RGS22: variants seen among roughly 807,000 people sequenced by gnomAD.
The protein encoded by RGS22 is regulator of G-protein signaling 22.
A neutral mutation model predicts 172.9 loss-of-function variants in RGS22; 148 were observed. That is an observed-to-expected ratio of 0.86 (90% CI 0.75 to 0.98). The LOEUF (loss-of-function observed/expected upper bound fraction) is 0.98, where lower values mean the gene tolerates loss of function less well. Ranked by LOEUF, RGS22 falls within the 50% of genes least tolerant of loss-of-function variation. The pLI is 0.00. For missense variants in RGS22, 1,347 were observed against 1,440.8 expected (o/e 0.93, Z 1.05); for synonymous variants, 458 against 480.2 (o/e 0.95, Z 0.60).
chr8:100,005,370 A>G (rs1348671003), intron 16 of RGS22, among the ~76,000 whole-genome samples: 1 of 152,136 alleles, frequency 6.6e-6, no homozygotes, highest in African/African-American at 2.4e-5. Flanking sequence ...CGATCATACC[A>G]TACCAGTTTT....
At chr8:100,083,646 A>G (rs1811929974) in intron 3 of RGS22, among the ~76,000 whole-genome samples, 3 of 151,448 alleles carry the variant, frequency 2.0e-5, no homozygotes, top group African/African-American at 7.3e-5. Flanking sequence ...GATTACAGGC[A>G]TAAGCCACTG....
rs767093843 is a variant in RGS22, at chr8:100,052,874, G to T, written c.1617C>A (p.Asp539Glu). Residue 539 changes from aspartate (D) to glutamate (E), a missense_variant, in exon 10 of 28, where the codon GAC becomes GAA. Physicochemically the swap from Asp to Glu is conservative, Grantham distance 45. Coordinates refer to ENST00000360863, the MANE Select transcript of RGS22 (RefSeq NM_015668.5). Reference protein sequence around the residue: ...LRQAKPRKDIDPFPQMATLLP... With the variant: ...LRQAKPRKDIEPFPQMATLLP... ...AGAGGGTTGCCATTTGTGGAAAAGG[G>T]TCAATATCCTTCCTTGGTTTTGCTT... is the stretch of plus-strand genomic sequence containing the variant. 1 of 1,614,072 alleles carries T rather than the reference G, an allele frequency of 6.2e-7. No individual in the cohort carries two copies. Among genetic ancestry groups the T allele is most frequent in the East Asian group, 2.2e-5 (1 of 44,872 alleles).
intron 21 of RGS22, among the ~76,000 whole-genome samples, chr8:99,983,096 T>C (rs1267489274): frequency 6.6e-6 from 1 of 152,186 alleles, no homozygotes; most frequent in Non-Finnish European, 1.5e-5. Flanking sequence ...CTTAGGATAA[T>C]GGCCTCCAGC....
At chr8:100,083,052 CCCTCTA>C (rs1272289691) in intron 3 of RGS22, among the ~76,000 whole-genome samples, 1 of 152,180 alleles carries the variant, frequency 6.6e-6, no homozygotes, top group Non-Finnish European at 1.5e-5. Context: ...TTTATCTTAA[CCCTCTA>C]GGAAACAGGG....
chr8:100,018,906 T>C (rs1431668806), intron 14 of RGS22, among the ~76,000 whole-genome samples: 2 of 152,160 alleles, frequency 1.3e-5, no homozygotes, highest in Admixed American at 1.3e-4. Flanking sequence ...TGTTTTCTTA[T>C]TGAAGATAAG....
intron 3 of RGS22, among the ~76,000 whole-genome samples, chr8:100,091,191 G>C (rs1475658655): frequency 6.6e-6 from 1 of 150,676 alleles, no homozygotes; most frequent in Non-Finnish European, 1.5e-5. Flanking sequence ...GATTCTTTTT[G>C]AAAACCCGCG....
At chr8:99,961,774 ACTAGAAGAGAAAAAAAT>A (rs1244829956) in intron 27 of RGS22, among the ~76,000 whole-genome samples, 2 of 152,122 alleles carry the variant, frequency 1.3e-5, no homozygotes, top group Non-Finnish European at 1.5e-5. Flanking sequence ...GCTAGGGTAA[ACTAGAAGAGAAAAAAAT>A]GAGTGGGCTA....
intron 21 of RGS22, among the ~76,000 whole-genome samples, chr8:99,985,115 G>A (rs1812943069): frequency 6.6e-6 from 1 of 152,136 alleles, no homozygotes; most frequent in Non-Finnish European, 1.5e-5. Context: ...AAGGGCATGG[G>A]CTTTAGCAAT....
At chr8:100,004,337 TTACTA>T (rs1482208759) in intron 16 of RGS22, among the ~76,000 whole-genome samples, 11 of 152,286 alleles carry the variant, frequency 7.2e-5, no homozygotes, top group African/African-American at 2.6e-4. Context: ...TAGTAAATAT[TTACTA>T]TACAAAGCAC....
chr8:100,054,198 T>A (rs958522610), intron 9 of RGS22: 4 of 152,370 alleles, frequency 2.6e-5, no homozygotes, highest in Middle Eastern at 6.8e-3. Context: ...AAGAGCCTGC[T>A]GCTAATTGCT....
At chr8:100,055,771 A>C (rs1182995536) in intron 9 of RGS22, among the ~76,000 whole-genome samples, 1 of 151,998 alleles carries the variant, frequency 6.6e-6, no homozygotes, top group Non-Finnish European at 1.5e-5. Flanking sequence ...TTTGTTTTCT[A>C]CCATGATTGT....
At position 100,008,376 on chromosome 8, in the gene RGS22, T is replaced by C. The variant is rs1160786402; in HGVS notation, c.2360A>G (p.Lys787Arg). The change falls in exon 15 of 28, where the codon AAG becomes AGG. Residue 787 changes from lysine to arginine, a missense_variant and splice_region_variant. By Grantham distance (26) the Lys-to-Arg change is conservative (BLOSUM62 2). Coordinates refer to ENST00000360863, the MANE Select transcript of RGS22 (RefSeq NM_015668.5). ...CTCAATTTATCGGTGGCACGGTACC[T>C]TTTTATAAGCAATTTGGTCCGATTT... is the stretch of plus-strand genomic sequence containing the variant. The part of the protein sequence containing the change: ...MVKSDQIAYK[K>R]VELVEETRQL... The C allele has an allele frequency of 1.9e-6, 3 of 1,606,906 alleles. No individual in the cohort carries two copies. The highest frequency in any genetic ancestry group is 1.3e-5 in the African/African-American group (1 of 74,172).
At chr8:100,005,942 C>G (rs1374049111) in intron 16 of RGS22, 75 bp downstream of exon 16, 14 of 1,010,788 alleles carry the variant, frequency 1.4e-5, no homozygotes, top group Non-Finnish European at 2.0e-5. Context: ...CTACAATCTC[C>G]CCCTGCCCCA....
At chr8:99,966,459 GA>G (rs141241510) in intron 23 of RGS22, among the ~76,000 whole-genome samples, 12,230 of 149,366 alleles carry the variant, frequency 0.082, 741 homozygotes, top group African/African-American at 0.16. Context: ...CTTAAAAAAA[GA>G]AAAAAAAACT....
At chr8:100,097,634 T>C (rs546849704) in intron 2 of RGS22, among the ~76,000 whole-genome samples, 7 of 152,354 alleles carry the variant, frequency 4.6e-5, no homozygotes, top group Admixed American at 1.3e-4. Flanking sequence ...CTCTGCACGT[T>C]ATGGACAGGC....
chr8:99,974,778 A>T (rs1414611196), intron 23 of RGS22, among the ~76,000 whole-genome samples: 1 of 150,530 alleles, frequency 6.6e-6, no homozygotes, highest in East Asian at 1.9e-4. Flanking sequence ...AGCCTGGATG[A>T]CAGAGCAAGA....
At chr8:100,086,657 G>C (rs150774848) in intron 3 of RGS22, among the ~76,000 whole-genome samples, 5 of 151,798 alleles carry the variant, frequency 3.3e-5, no homozygotes, top group African/African-American at 9.7e-5. Flanking sequence ...TCAGCATGAC[G>C]CAATATACCC....
At position 100,058,178 on chromosome 8, in the gene RGS22, A is replaced by AC. The variant is rs879522302; in HGVS notation, c.1514+4412_1514+4413insG. The stretch of plus-strand genomic sequence containing the variant: ...GAAAATACACAGAGGAGACAAAAAA[A>AC]AAAAAAAACAACAACAATAAAGCAT... On this transcript the variant is annotated intron_variant, in intron 9 of 27. Coordinates refer to ENST00000360863, the MANE Select transcript of RGS22 (RefSeq NM_015668.5). 4.7e-3 allele frequency among the ~76,000 whole-genome samples: 516 copies of AC among 110,174 alleles called. 2 individuals carry two copies. The highest frequency in any genetic ancestry group is 6.2e-3 in the African/African-American group (226 of 36,566). The allele number at this position is 110,174 out of a possible 152,430, so 72.3% of individuals were successfully genotyped here. A position where few individuals can be genotyped will look rare whatever the true frequency, so the allele number is the denominator to read the frequency against.
At chr8:100,056,923 A>C (rs1170232758) in intron 9 of RGS22, among the ~76,000 whole-genome samples, 2 of 152,230 alleles carry the variant, frequency 1.3e-5, no homozygotes, top group African/African-American at 4.8e-5. Flanking sequence ...GGAATGGTAG[A>C]TCCACCAACA....
Sources: allele counts gnomAD v4.1 joint callset (sites outside exome capture counted in the v4.1 genomes callset), GRCh38; gene constraint gnomAD v4.1.1; transcripts MANE v1.5; gene names NCBI Gene and HGNC (gene_info 2026-07-23, HGNC 2026-07-21).